Variants in USP33 observed in about 807,000 individuals in gnomAD.
USP33 encodes ubiquitin specific peptidase 33.
In USP33, 46 loss-of-function variants were observed where a neutral mutation model predicts 124.2. The ratio of observed to expected loss-of-function variants is 0.37; its 90% CI spans 0.29 to 0.47. The LOEUF (loss-of-function observed/expected upper bound fraction) is 0.47. Ranked by LOEUF, USP33 falls within the 20% of genes least tolerant of loss-of-function variation. USP33 has a pLI of 0.99. For missense variants in USP33, 851 were observed against 1,070.6 expected, an observed-to-expected ratio of 0.79 and a Z score of 2.86; for synonymous variants, 350 against 352.3, an observed-to-expected ratio of 0.99 and a Z score of 0.07.
chr1:77,731,603 G>A (rs1368890155), intron 7 of USP33, among the ~76,000 whole-genome samples: 1 of 150,992 alleles, frequency 6.6e-6, no homozygotes, highest in East Asian at 1.9e-4. Flanking sequence ...AGAACTCCTA[G>A]GCTCCTCAAG....
chr1:77,741,817 T>TA lies in USP33; in HGVS notation c.-51-70dup, dbSNP rs545523753. 421 of 1,332,408 alleles carry TA rather than the reference T, an allele frequency of 3.2e-4. No individual in the cohort carries two copies. The African/African-American group carries it at 5.8e-3, about 18-fold the overall frequency. 82.5% of individuals were successfully genotyped at this position (1,332,408 alleles called of 1,614,324 possible). ...CAATGCCTGCAAAGATTCCAAAAAATAAAAAAATTAAAATGTTAACATATT... is the reference window on the plus strand; with the variant it reads ...CAATGCCTGCAAAGATTCCAAAAAATAAAAAAAATTAAAATGTTAACATATT... On this transcript the variant is annotated intron_variant, in intron 1 of 23. Transcript: ENST00000370794.
At chr1:77,699,115 T>C (rs930842350) in intron 22 of USP33, among the ~76,000 whole-genome samples, 14 of 152,068 alleles carry the variant, frequency 9.2e-5, no homozygotes, top group Non-Finnish European at 2.1e-4. Context: ...AAGACATTTA[T>C]GTGGCCAAAA....
At chr1:77,711,663 C>T in intron 21 of USP33, 84 bp downstream of exon 21, 13 of 1,536,582 alleles carry the variant, frequency 8.5e-6, no homozygotes, top group Non-Finnish European at 1.1e-5. Context: ...TTCATCTAAT[C>T]ATTTTATTAA....
intron 9 of USP33, among the ~76,000 whole-genome samples, 188 bp from the exon 10 acceptor site, chr1:77,728,900 TA>T (rs768630652): frequency 6.6e-6 from 1 of 152,072 alleles, no homozygotes; most frequent in South Asian, 2.1e-4. Flanking sequence ...GTTATGTAAA[TA>T]AAAGTTTTCT....
In USP33 at chr1:77,728,323, G is replaced by A; in HGVS notation, c.1107C>T (p.Val369=). The change falls in exon 10 of 24, where the codon GTC becomes GTT. Residue 369 remains valine, a synonymous_variant. Transcript: ENST00000370794. ...AAGCTCTGCTGTGTATTTGCACTTT[G>A]ACAGTTTCCTGGTTGTTTAAGTCGA... ...ETVDLNNQET[V]KVQIHSRASE... 1 of 1,601,884 alleles carries A rather than the reference G, an allele frequency of 6.2e-7. No homozygotes were observed. Among genetic ancestry groups the A allele is most frequent in the Non-Finnish European group, 8.5e-7 (1 of 1,175,978 alleles).
intron 23 of USP33, 167 bp downstream of exon 23, chr1:77,697,696 T>C: frequency 2.2e-6 from 2 of 895,300 alleles, no homozygotes; most frequent in East Asian, 2.6e-5. Context: ...CCTTAAGACC[T>C]TTCCTCAGAT....
intron 1 of USP33, among the ~76,000 whole-genome samples, chr1:77,753,780 A>G (rs2101616844): frequency 6.6e-6 from 1 of 150,622 alleles, no homozygotes; most frequent in South Asian, 2.1e-4. Flanking sequence ...AGTTTTGGAG[A>G]AGATTAATAT....
chr1:77,713,418 G>C, intron 19 of USP33, 137 bp from the exon 20 acceptor site: 2 of 712,654 alleles, frequency 2.8e-6, no homozygotes, highest in South Asian at 3.9e-5. Flanking sequence ...GTCTTGTTCT[G>C]TCACCCAGTC....
intron 21 of USP33, among the ~76,000 whole-genome samples, chr1:77,705,891 T>C (rs1674571982): frequency 6.6e-6 from 1 of 152,198 alleles, no homozygotes; most frequent in Non-Finnish European, 1.5e-5. Flanking sequence ...AGAAATTTCA[T>C]ATAAATGAAA....
At chr1:77,745,203 T>C (rs1165091559) in intron 1 of USP33, among the ~76,000 whole-genome samples, 1 of 152,256 alleles carries the variant, frequency 6.6e-6, no homozygotes, top group East Asian at 1.9e-4. Context: ...CTTTTGATCT[T>C]TGATGGTTTA....
At chr1:77,734,893 G>A (rs888459037) in intron 6 of USP33, among the ~76,000 whole-genome samples, 2 of 152,176 alleles carry the variant, frequency 1.3e-5, no homozygotes, top group Admixed American at 6.5e-5. Context: ...GGAGGCTGAG[G>A]TGGGTGGATC....
chr1:77,721,700 G>A (rs1189566499), intron 14 of USP33, 131 bp downstream of exon 14: 10 of 759,444 alleles, frequency 1.3e-5, no homozygotes, highest in Non-Finnish European at 1.9e-5. Flanking sequence ...GACACTAACC[G>A]AATGCCAATA....
chr1:77,697,446 T>A lies in USP33; in HGVS notation c.2607A>T (p.Glu869Asp). The stretch of plus-strand genomic sequence containing the variant: ...AAATAGACTGCAGAAAATTCCATGT[T>A]TCTTCAGAAATCTGGCCAGAATCTG... ...QGADSGQISE[E>D]TWNFLQSIYG... The change falls in exon 24 of 24, where the codon GAA becomes GAT. Residue 869 changes from glutamate (E) to aspartate (D), a missense_variant. Physicochemically the swap from Glu to Asp is conservative, Grantham distance 45 (BLOSUM62 2). This residue lies in a region of USP33 where 142 missense variants were observed against 141.8 expected (regional missense o/e 1.00). Transcript: ENST00000370794. 6.2e-7 allele frequency: 1 copy of A among 1,605,464 alleles called. No homozygotes were observed. The highest frequency in any genetic ancestry group is 8.5e-7 in the Non-Finnish European group (1 of 1,178,022).
intron 9 of USP33, 137 bp from the exon 10 acceptor site, chr1:77,728,849 C>T (rs1488660769): frequency 2.7e-5 from 25 of 918,146 alleles, no homozygotes; most frequent in Non-Finnish European, 3.7e-5. Flanking sequence ...GTTTGGAGAG[C>T]ATAAGGCACT....
intron 5 of USP33, 61 bp downstream of exon 5, chr1:77,739,204 C>A: frequency 6.5e-7 from 1 of 1,542,742 alleles, no homozygotes. Flanking sequence ...AGCTACATGA[C>A]AAATTCTGAA....
intron 20 of USP33, among the ~76,000 whole-genome samples, chr1:77,712,768 G>A (rs1032115764): frequency 4.6e-5 from 7 of 151,886 alleles, no homozygotes; most frequent in African/African-American, 1.7e-4. Context: ...TGAAGTGAGA[G>A]GACCACTGGA....
At chr1:77,723,800 G>A (rs1676850584) in intron 11 of USP33, among the ~76,000 whole-genome samples, 1 of 151,774 alleles carries the variant, frequency 6.6e-6, no homozygotes, top group South Asian at 2.1e-4. Context: ...AAGTAGCTGG[G>A]ACTACAGGCG....
Position 77,740,889 on chromosome 1 carries a change from G to A in USP33, c.186C>T (p.Thr62=), listed in dbSNP as rs1345644961. The A allele has an allele frequency of 3.8e-6, 6 of 1,566,552 alleles. No homozygotes were observed. Among genetic ancestry groups the A allele is most frequent in the South Asian group, 1.2e-5 (1 of 85,090 alleles). Residue 62 remains threonine, a synonymous_variant, in exon 4 of 24, where the codon ACC becomes ACT. Coordinates refer to ENST00000370794, the MANE Select transcript of USP33 (RefSeq NM_201624.3). ...TTTATATACATACCTGAGAATGTAT[G>A]GTGCTGTGATCTACTTGTGATTCAC... ...GCGESQVDHS[T]IHSQETKHYL...
At position 77,718,469 on chromosome 1, in the gene USP33, A is replaced by C; in HGVS notation, c.1737+127T>G. 3 of 777,990 alleles carry C rather than the reference A, an allele frequency of 3.9e-6. No individual in the cohort carries two copies. The East Asian group carries it at 7.8e-5, about 20-fold the overall frequency. The allele number at this position is 777,990 out of a possible 1,614,324, so 48.2% of individuals were successfully genotyped here. On this transcript the variant is annotated intron_variant, in intron 16 of 23. Transcript: ENST00000370794. ...CAATATTTTAAAACTGAATAATCTTAAAAAGGCATGCATAGCAATCATTCA... is the reference window on the plus strand; with the variant it reads ...CAATATTTTAAAACTGAATAATCTTCAAAAGGCATGCATAGCAATCATTCA...
Sources: gnomAD v4.1 joint callset for allele counts (sites outside exome capture counted in the v4.1 genomes callset) on GRCh38, gnomAD v4.1.1 for gene constraint, gnomAD v4.1.1 regional missense constraint, MANE v1.5 for transcripts, NCBI Gene and HGNC (gene_info 2026-07-23, HGNC 2026-07-21) for gene names.